DMD: variants seen among roughly 807,000 people sequenced by gnomAD.
DMD encodes the protein dystrophin.
A neutral mutation model predicts 330.1 loss-of-function variants in DMD; 63 were observed. The observed-to-expected ratio is 0.19, with a 90% confidence interval of 0.16 to 0.24. The LOEUF is 0.24. DMD is among the 10% of genes least tolerant of loss of function. The pLI is 1.00. For synonymous variants in DMD, 1,223 were observed against 959.8 expected (o/e 1.27, Z -5.07); for missense variants, 3,344 against 2,684.1 (o/e 1.25, Z -5.43).
chrX:32,728,974 A>G (rs1569493724), intron 7 of DMD, among the ~76,000 whole-genome samples: 1 of 111,906 alleles, frequency 8.9e-6, no homozygotes, highest in Admixed American at 9.5e-5. Flanking sequence ...TCCAACTACC[A>G]CAAAAGGTGC....
At chrX:31,698,493 T>C (rs751168720) in intron 52 of DMD, among the ~76,000 whole-genome samples, 1 of 112,009 alleles carries the variant, frequency 8.9e-6, no homozygotes, top group Admixed American at 9.5e-5. Context: ...ATGTTTGACA[T>C]ACAAAGACAT....
chrX:33,144,879 T>G (rs2047953652), intron 1 of DMD, among the ~76,000 whole-genome samples: 1 of 112,007 alleles, frequency 8.9e-6, no homozygotes, highest in African/African-American at 3.2e-5. Flanking sequence ...AGAGTGGGTT[T>G]TTCTGAAGTT....
chrX:32,808,227 G>C (rs1393367315), intron 7 of DMD, among the ~76,000 whole-genome samples: 1 of 111,676 alleles, frequency 9.0e-6, no homozygotes, highest in African/African-American at 3.3e-5. Flanking sequence ...AGTATTCAGT[G>C]TTCAGCCATG....
intron 2 of DMD, among the ~76,000 whole-genome samples, chrX:32,944,604 T>G (rs1293172514): frequency 1.0e-5 from 1 of 98,559 alleles, no homozygotes; most frequent in Non-Finnish European, 2.0e-5. Flanking sequence ...AGACTTTTAG[T>G]AGATTTTTTT....
intron 59 of DMD, among the ~76,000 whole-genome samples, chrX:31,466,125 G>A (rs1208743175): frequency 1.8e-5 from 2 of 112,086 alleles, no homozygotes; most frequent in Non-Finnish European, 3.8e-5. Flanking sequence ...CATTCTGTAG[G>A]TTGCTTGTTC....
chrX:32,280,409 T>C (rs974765761), intron 43 of DMD, among the ~76,000 whole-genome samples: 33 of 109,964 alleles, frequency 3.0e-4, no homozygotes, highest in South Asian at 1.5e-3. Context: ...GCTTGTTTTT[T>C]ACCCCTTACT....
chrX:31,339,765 G>A (rs2057621787), intron 61 of DMD, among the ~76,000 whole-genome samples: 1 of 111,692 alleles, frequency 9.0e-6, no homozygotes, highest in Admixed American at 9.5e-5. Flanking sequence ...AGTAGAGACA[G>A]GGTTTCTCCA....
intron 7 of DMD, among the ~76,000 whole-genome samples, chrX:32,801,103 ACT>A (rs1293864153): frequency 9.0e-6 from 1 of 111,530 alleles, no homozygotes; most frequent in Non-Finnish European, 1.9e-5. Context: ...CAATCACCAC[ACT>A]GTCTTCCACA....
chrX:31,325,509 G>A (rs898821529), intron 61 of DMD, among the ~76,000 whole-genome samples: 2 of 108,655 alleles, frequency 1.8e-5, no homozygotes, highest in Non-Finnish European at 3.8e-5. Flanking sequence ...AGCTACTCGG[G>A]AGACTGAGGC....
chrX:32,730,712 A>C (rs2067484339), intron 7 of DMD, among the ~76,000 whole-genome samples: 1 of 112,340 alleles, frequency 8.9e-6, no homozygotes, highest in South Asian at 3.7e-4. Flanking sequence ...AAATATTTTG[A>C]ATAATGAAGT....
intron 76 of DMD, among the ~76,000 whole-genome samples, chrX:31,138,665 GA>G (rs1569323776): frequency 4.3e-5 from 4 of 92,113 alleles, no homozygotes; most frequent in African/African-American, 1.3e-4. Flanking sequence ...GAGAGAGAGA[GA>G]GAGAGAGAGA....
At chrX:31,519,061 G>A (rs12008795) in intron 55 of DMD, among the ~76,000 whole-genome samples, 10,677 of 111,358 alleles carry the variant, frequency 0.096, 487 homozygotes, top group Admixed American at 0.19. Context: ...ATTAGGTATT[G>A]CTTTTAAAAA....
At chrX:31,523,675 A>C (rs2073035466) in intron 55 of DMD, among the ~76,000 whole-genome samples, 1 of 112,154 alleles carries the variant, frequency 8.9e-6, no homozygotes, top group Non-Finnish European at 1.9e-5. Flanking sequence ...ACCATGGAGA[A>C]AAGGGTGCAT....
At chrX:32,471,911 T>A (rs779579904) in intron 22 of DMD, among the ~76,000 whole-genome samples, 3 of 112,080 alleles carry the variant, frequency 2.7e-5, no homozygotes, top group African/African-American at 9.7e-5. Flanking sequence ...AAATGCATGC[T>A]AAATTAAAAA....
chrX:31,306,163 C>T (rs968233707), intron 62 of DMD, among the ~76,000 whole-genome samples: 28 of 110,182 alleles, frequency 2.5e-4, no homozygotes, highest in Non-Finnish European at 4.9e-4. Flanking sequence ...TGGAGAATTG[C>T]CCAATTAGGG....
intron 1 of DMD, among the ~76,000 whole-genome samples, chrX:33,253,039 T>C (rs768751150): frequency 9.0e-6 from 1 of 111,672 alleles, no homozygotes; most frequent in South Asian, 3.7e-4. Flanking sequence ...AAAATCAAAG[T>C]AAAACTAAAA....
chrX:31,245,329 T>C (rs751486369), intron 63 of DMD, among the ~76,000 whole-genome samples: 1 of 112,053 alleles, frequency 8.9e-6, no homozygotes, highest in South Asian at 3.8e-4. Flanking sequence ...TTCCATCTTC[T>C]TGAGTGGTAT....
chrX:32,595,133 C>A (rs2055373499), intron 13 of DMD, among the ~76,000 whole-genome samples: 1 of 111,497 alleles, frequency 9.0e-6, no homozygotes, highest in Non-Finnish European at 1.9e-5. Context: ...CAATCATGGA[C>A]AAATGCAGAT....
chrX:33,022,911 T>G (rs765661661), intron 1 of DMD, among the ~76,000 whole-genome samples: 27 of 111,963 alleles, frequency 2.4e-4, no homozygotes, highest in Admixed American at 2.4e-3. Context: ...GGAGGTTCCA[T>G]GTATGTTGTA....
Sources: gnomAD v4.1 joint callset for allele counts (sites outside exome capture counted in the v4.1 genomes callset) on GRCh38, gnomAD v4.1.1 for gene constraint, MANE v1.5 for transcripts, NCBI Gene and HGNC (gene_info 2026-07-23, HGNC 2026-07-21) for gene names.